The following GGT1 variants were observed in gnomAD, a reference collection of about 807,000 sequenced individuals.
GGT1 encodes the protein gamma-glutamyltransferase 1, also known as glutathione hydrolase 1 proenzyme.
Under a neutral mutation model 56.0 loss-of-function variants are expected in GGT1, and 21 were observed. That is an observed-to-expected ratio of 0.38 (90% CI 0.27 to 0.54). The LOEUF is 0.54. Among genes scored for constraint, GGT1 ranks in the 20% least tolerant of loss-of-function variants. GGT1 has a pLI of 0.82. For synonymous variants in GGT1, 238 were observed against 342.6 expected, an observed-to-expected ratio of 0.69 and a Z score of 3.37; for missense variants, 466 against 787.0, an observed-to-expected ratio of 0.59 and a Z score of 4.88.
chr22:24,628,675 C>T lies in GGT1; in HGVS notation c.1564-18C>T. 6.2e-7 allele frequency: 1 copy of T among 1,610,912 alleles called. No homozygotes were observed. The highest frequency in any genetic ancestry group is 1.1e-5 in the South Asian group (1 of 90,982). ...ATCTGGAGCCCTGCTCAGGCTTCCC[C>T]TCTCCTCCCACCCCCAGGCAGTGAC... On this transcript the variant is annotated intron_variant, in intron 15 of 15. Transcript: ENST00000400382. The surrounding 1 kb of genome is among the most constrained non-coding windows in gnomAD (Gnocchi z 5.7).
intron 1 of GGT1, among the ~76,000 whole-genome samples, chr22:24,605,169 T>C (rs2046003174): frequency 1.2e-5 from 1 of 81,412 alleles, no homozygotes; most frequent in Admixed American, 2.2e-4. Context: ...TTATATATTA[T>C]ATAATATGTA....
chr22:24,605,944 T>TG, intron 1 of GGT1, among the ~76,000 whole-genome samples: 2 of 87,774 alleles, frequency 2.3e-5, no homozygotes, highest in African/African-American at 1.0e-4. Flanking sequence ...ATATAATATA[T>TG]AATATTATAT....
At chr22:24,617,948 G>A (rs1476096460) in intron 7 of GGT1, among the ~76,000 whole-genome samples, 4 of 152,070 alleles carry the variant, frequency 2.6e-5, no homozygotes, top group African/African-American at 9.7e-5. Context: ...AGCTCTCAGG[G>A]AAAGTGATGA....
intron 1 of GGT1, among the ~76,000 whole-genome samples, chr22:24,604,578 C>G (rs1368181744): frequency 1.3e-5 from 2 of 152,082 alleles, no homozygotes; most frequent in East Asian, 1.9e-4. Context: ...GCACATTTCT[C>G]GGGACAGGGA....
chr22:24,611,274 C>T (rs2147326273), intron 5 of GGT1, 29 bp downstream of exon 5: 2 of 1,399,794 alleles, frequency 1.4e-6, no homozygotes, highest in Non-Finnish European at 2.0e-6. Flanking sequence ...GGGACATGGG[C>T]CCTGAAAACT....
chr22:24,605,751 A>ATATTATATAATATTATATAATGTGTATTC, intron 1 of GGT1, among the ~76,000 whole-genome samples: 1 of 77,894 alleles, frequency 1.3e-5, no homozygotes, highest in Non-Finnish European at 2.0e-5. Flanking sequence ...AATGTGTATT[A>ATATTATATAATATTATATAATGTGTATTC]TATATTATAT....
upstream of GGT1, among the ~76,000 whole-genome samples, chr22:24,594,384 C>CGTGTGTGTGT (rs762877347): frequency 3.6e-3 from 503 of 140,182 alleles, 7 homozygotes; most frequent in African/African-American, 0.011. Context: ...GCCAAGCACC[C>CGTGTGTGTGT]GTGTGTATGT....
intron 1 of GGT1, among the ~76,000 whole-genome samples, chr22:24,607,007 T>C (rs879370102): frequency 0.02 from 2,010 of 102,474 alleles, 1 homozygote; most frequent in African/African-American, 0.028. Context: ...CTGGGCTGGG[T>C]CCGCAGCTGT....
At chr22:24,613,257 C>G (rs4049877) in intron 5 of GGT1, among the ~76,000 whole-genome samples, 2 of 151,862 alleles carry the variant, frequency 1.3e-5, no homozygotes, top group South Asian at 2.1e-4. Flanking sequence ...AGACTGTTTT[C>G]TAGAGATGGT....
chr22:24,612,688 G>C (rs186495619), intron 5 of GGT1, among the ~76,000 whole-genome samples: 3 of 152,116 alleles, frequency 2.0e-5, no homozygotes, highest in Non-Finnish European at 2.9e-5. Flanking sequence ...CACCACGCCC[G>C]GCTAATTTTT....
the GGT1 span, among the ~76,000 whole-genome samples, chr22:24,588,021 G>A: frequency 6.6e-6 from 1 of 152,150 alleles, no homozygotes; most frequent in African/African-American, 2.4e-5. Context: ...TCACTCAGAG[G>A]GTGCAGCTTG....
Position 24,611,136 on chromosome 22 carries a change from A to G in GGT1, c.55A>G (p.Ile19Val), listed in dbSNP as rs917394098. 1.2e-6 allele frequency: 2 copies of G among 1,601,696 alleles called. No homozygotes were observed. The highest frequency in any genetic ancestry group is 1.7e-5 in the Admixed American group (1 of 58,958). The stretch of plus-strand genomic sequence containing the variant: ...GCTGGCCGTGGTCCTGGTGCTGGTC[A>G]TTGTCGGCCTCTGTCTCTGGCTGCC... ...GLLAVVLVLV[I>V]VGLCLWLPSA... Residue 19 changes from isoleucine to valine, a missense_variant, in exon 5 of 16, where the codon ATT (isoleucine) becomes GTT (valine). Physicochemically the swap from Ile to Val is conservative, Grantham distance 29. Around this residue, in one of 2 missense-constraint regions of GGT1, gnomAD observed 456 missense variants for 716.7 expected, o/e 0.64. Coordinates refer to ENST00000400382, the MANE Select transcript of GGT1 (RefSeq NM_001288833.2).
chr22:24,626,291 G>A (rs374135228), intron 11 of GGT1, among the ~76,000 whole-genome samples: 30 of 144,412 alleles, frequency 2.1e-4, no homozygotes, highest in East Asian at 1.4e-3. Context: ...TGGGATTACA[G>A]GCGTGAGCCA....
chr22:24,625,548 G>A (rs1238783811), intron 11 of GGT1, among the ~76,000 whole-genome samples: 1 of 146,998 alleles, frequency 6.8e-6, no homozygotes, highest in Non-Finnish European at 1.5e-5. Flanking sequence ...TTACAGGTGT[G>A]TTTTTTTTTT....
chr22:24,621,487 G>A (rs1295671186), intron 9 of GGT1, among the ~76,000 whole-genome samples: 1 of 151,124 alleles, frequency 6.6e-6, no homozygotes, highest in Non-Finnish European at 1.5e-5. Flanking sequence ...CAAGGGATGA[G>A]GGTCTCCTTG....
At chr22:24,588,391 G>A in the GGT1 span, 5 of 1,329,854 alleles carry the variant, frequency 3.8e-6, no homozygotes, top group South Asian at 3.7e-5. Context: ...CAGGGCCTTG[G>A]GGAGAGGGAC....
At chr22:24,625,341 T>C (rs1372557895) in intron 11 of GGT1, among the ~76,000 whole-genome samples, 1 of 152,180 alleles carries the variant, frequency 6.6e-6, no homozygotes, top group African/African-American at 2.4e-5. Context: ...TGGTGTGATC[T>C]TGGCTCACTG....
intron 5 of GGT1, among the ~76,000 whole-genome samples, chr22:24,614,348 CAAAA>C (rs534749815): frequency 9.7e-3 from 104 of 10,698 alleles, no homozygotes; most frequent in African/African-American, 0.02. Context: ...GACTTTGTCT[CAAAA>C]AAAAAAAAAA....
At chr22:24,588,992 G>A in the GGT1 span, 2 of 1,011,642 alleles carry the variant, frequency 2.0e-6, no homozygotes, top group Non-Finnish European at 2.4e-6. Flanking sequence ...CCCTCTGTGA[G>A]CAGCCCCAGG....
Sources: gnomAD v4.1 joint callset for allele counts (sites outside exome capture counted in the v4.1 genomes callset) on GRCh38, gnomAD v4.1.1 for gene constraint, gnomAD v4.1.1 regional missense constraint, Gnocchi (gnomAD v3.1) non-coding constraint, MANE v1.5 for transcripts, NCBI Gene and HGNC (gene_info 2026-07-23, HGNC 2026-07-21) for gene names.